Variants in DUSP19 observed in about 807,000 individuals in gnomAD.
DUSP19 encodes dual specificity phosphatase 19, also known as dual specificity protein phosphatase 19.
A neutral mutation model predicts 16.6 loss-of-function variants in DUSP19; 14 were observed. The observed-to-expected ratio is 0.84, with a 90% confidence interval of 0.56 to 1.32. The LOEUF (loss-of-function observed/expected upper bound fraction) is 1.32. DUSP19 is among the 40% of genes most tolerant of loss of function. The probability of loss-of-function intolerance (pLI) is 0.00; values close to 1 mark genes in which losing one functional copy is unlikely to be tolerated. For synonymous variants in DUSP19, 81 were observed against 90.5 expected (o/e 0.90, Z 0.59); for missense variants, 258 against 255.9 (o/e 1.01, Z -0.06).
chr2:183,087,485 C>G (rs1337218272), intron 3 of DUSP19, among the ~76,000 whole-genome samples: 1 of 152,094 alleles, frequency 6.6e-6, no homozygotes, highest in East Asian at 1.9e-4. Flanking sequence ...TATTGTGAAA[C>G]TATGCATTTT....
At chr2:183,089,089 G>T (rs1193043135) in intron 3 of DUSP19, among the ~76,000 whole-genome samples, 1 of 152,182 alleles carries the variant, frequency 6.6e-6, no homozygotes, top group Non-Finnish European at 1.5e-5. Context: ...GTGGATTTTA[G>T]CTTGGGTTTC....
chr2:183,095,234 GTTGA>G (rs1013010752), intron 3 of DUSP19, among the ~76,000 whole-genome samples, 193 bp from the exon 4 acceptor site: 20 of 152,148 alleles, frequency 1.3e-4, no homozygotes, highest in Non-Finnish European at 1.6e-4. Context: ...GGAGGTACAG[GTTGA>G]TTGATTGATT....
In DUSP19 at chr2:183,099,148, T is replaced by C. The variant is rs1444159726; in HGVS notation, c.*3490T>C. On this transcript the variant is annotated 3_prime_UTR_variant, in exon 4 of 4. Transcript: ENST00000354221. ...TTGTAACTCAGATTGTTCAAATGTA[T>C]ATAGAAGGTCCCCTTCAAGTGTTGT... is the stretch of plus-strand genomic sequence containing the variant. 6.6e-6 allele frequency: 1 copy of C among 152,190 alleles called. No individual in the cohort carries two copies. The highest frequency in any genetic ancestry group is 1.5e-5 in the Non-Finnish European group (1 of 68,028). 9.4% of individuals were successfully genotyped at this position (152,190 alleles called of 1,614,324 possible). A position where few individuals can be genotyped will look rare whatever the true frequency, so the allele number is the denominator to read the frequency against.
Position 183,095,555 on chromosome 2 carries a change from G to A in DUSP19, c.551G>A (p.Arg184Lys). The change falls in exon 4 of 4, where the codon AGA becomes AAA. Residue 184 changes from arginine (R) to lysine (K), a missense_variant. Transcript: ENST00000354221. The part of the protein sequence containing the change: ...TSAFSLVKNA[R>K]PSICPNSGFM... ...GCTTTTTCTTTGGTGAAAAATGCAA[G>A]ACCTTCCATATGTCCAAATTCTGGC... The A allele has an allele frequency of 6.2e-7, 1 of 1,613,886 alleles. No individual in the cohort carries two copies. The highest frequency in any genetic ancestry group is 1.1e-5 in the South Asian group (1 of 91,060).
intron 1 of DUSP19, among the ~76,000 whole-genome samples, chr2:183,080,384 G>A (rs900193464): frequency 6.6e-6 from 1 of 152,206 alleles, no homozygotes; most frequent in African/African-American, 2.4e-5. Flanking sequence ...TACATAGGCT[G>A]TCTTTAAATT....
chr2:183,095,478 T>C lies in DUSP19; in HGVS notation c.474T>C (p.Ala158=). The C allele has an allele frequency of 6.2e-7, 1 of 1,613,896 alleles. No individual in the cohort carries two copies. Among genetic ancestry groups the C allele is most frequent in the Non-Finnish European group, 8.5e-7 (1 of 1,179,888 alleles). The change falls in exon 4 of 4, where the codon GCT becomes GCC. Residue 158 remains alanine, a synonymous_variant. Transcript: ENST00000354221. ...VHCNAGVSRA[A]AIVIGFLMNS... ...GTAATGCAGGCGTTTCCAGGGCTGC[T>C]GCAATTGTAATAGGTTTCCTGATGA...
At chr2:183,092,702 T>G (rs1699748092) in intron 3 of DUSP19, among the ~76,000 whole-genome samples, 1 of 147,598 alleles carries the variant, frequency 6.8e-6, no homozygotes, top group Admixed American at 6.7e-5. Flanking sequence ...TGCCCAAGTT[T>G]TTTTTTTTTT....
At chr2:183,090,130 T>C (rs1402421988) in intron 3 of DUSP19, among the ~76,000 whole-genome samples, 1 of 152,242 alleles carries the variant, frequency 6.6e-6, no homozygotes, top group Non-Finnish European at 1.5e-5. Flanking sequence ...TCATTTTTTT[T>C]AAGAAAAGAT....
Position 183,099,447 on chromosome 2 carries a change from A to G in DUSP19, c.*3789A>G, listed in dbSNP as rs1390186267. Reference sequence around the variant, plus strand: ...AGTTGTATATTCTTGCAATGCATAAAATGACATTATAATCAACAAACTTAT... The same window carrying G: ...AGTTGTATATTCTTGCAATGCATAAGATGACATTATAATCAACAAACTTAT... On this transcript the variant is annotated 3_prime_UTR_variant, in exon 4 of 4. Coordinates refer to ENST00000354221, the MANE Select transcript of DUSP19 (RefSeq NM_080876.4). 1 of 152,194 alleles carries G rather than the reference A, an allele frequency of 6.6e-6. No individual in the cohort carries two copies. The highest frequency in any genetic ancestry group is 1.5e-5 in the Non-Finnish European group (1 of 68,038). 9.4% of individuals were successfully genotyped at this position (152,194 alleles called of 1,614,324 possible). A position where few individuals can be genotyped will look rare whatever the true frequency, so the allele number is the denominator to read the frequency against.
intron 1 of DUSP19, among the ~76,000 whole-genome samples, chr2:183,081,133 T>C (rs1699587639): frequency 6.6e-6 from 1 of 152,238 alleles, no homozygotes; most frequent in African/African-American, 2.4e-5. Flanking sequence ...AAAAAGTGAC[T>C]GCATTTAAAA....
chr2:183,082,419 C>CTTTTTTTTTTTTTTTT (rs71008260), intron 1 of DUSP19, among the ~76,000 whole-genome samples: 1 of 84,828 alleles, frequency 1.2e-5, no homozygotes, highest in Admixed American at 1.7e-4. Flanking sequence ...GAACATTTTT[C>CTTTTTTTTTTTTTTTT]TTTTTTTTTT....
intron 3 of DUSP19, among the ~76,000 whole-genome samples, chr2:183,094,978 T>C (rs1699778568): frequency 6.6e-6 from 1 of 152,192 alleles, no homozygotes; most frequent in South Asian, 2.1e-4. Context: ...ATCTACTAAG[T>C]TGTTAGGTTT....
intron 3 of DUSP19, among the ~76,000 whole-genome samples, chr2:183,088,177 G>C (rs1575095314): frequency 1.3e-5 from 2 of 152,092 alleles, no homozygotes; most frequent in East Asian, 3.9e-4. Context: ...TTGTGTTACT[G>C]TTGCCTACAA....
chr2:183,094,447 T>C (rs958166849), intron 3 of DUSP19, among the ~76,000 whole-genome samples: 6 of 152,330 alleles, frequency 3.9e-5, no homozygotes, highest in African/African-American at 1.2e-4. Context: ...TGTCTAATTC[T>C]GGAGGGTGTG....
intron 3 of DUSP19, among the ~76,000 whole-genome samples, chr2:183,089,716 T>C: frequency 6.6e-6 from 1 of 152,054 alleles, no homozygotes; most frequent in Non-Finnish European, 1.5e-5. Flanking sequence ...CTGCAGAAAA[T>C]GTTTCTGATA....
chr2:183,082,399 G>A (rs1486625437), intron 1 of DUSP19, among the ~76,000 whole-genome samples: 5 of 147,222 alleles, frequency 3.4e-5, no homozygotes, highest in Non-Finnish European at 7.5e-5. Context: ...TTTATAACCA[G>A]ATACATTGAG....
Position 183,083,501 on chromosome 2 carries a change from C to A in DUSP19, c.227-7C>A. ...GTGTTCAAGGTGGTATCATTTATTTCTTCTAGGGTCACAAGATGCTGCTCA... is the reference window on the plus strand; with the variant it reads ...GTGTTCAAGGTGGTATCATTTATTTATTCTAGGGTCACAAGATGCTGCTCA... On this transcript the variant is annotated splice_region_variant and splice_polypyrimidine_tract_variant and intron_variant, in intron 1 of 3. Coordinates refer to ENST00000354221, the MANE Select transcript of DUSP19 (RefSeq NM_080876.4). The A allele has an allele frequency of 6.2e-7, 1 of 1,606,612 alleles. No homozygotes were observed. The highest frequency in any genetic ancestry group is 8.5e-7 in the Non-Finnish European group (1 of 1,176,348).
In DUSP19 at chr2:183,078,783, C is replaced by G. The variant is rs1699551285; in HGVS notation, c.-151C>G. 3.0e-6 allele frequency: 2 copies of G among 659,386 alleles called. No individual in the cohort carries two copies. Among genetic ancestry groups the G allele is most frequent in the South Asian group, 3.9e-5 (2 of 51,472 alleles). 40.8% of individuals were successfully genotyped at this position (659,386 alleles called of 1,614,324 possible). A position where few individuals can be genotyped will look rare whatever the true frequency, so the allele number is the denominator to read the frequency against. ...CTGGGATAAACGGAGCTGGACGACT[C>G]AGTCTCTTGGTCTGTGGCTGCTGCG... On this transcript the variant is annotated 5_prime_UTR_variant, in exon 1 of 4. Coordinates refer to ENST00000354221, the MANE Select transcript of DUSP19 (RefSeq NM_080876.4).
Position 183,085,847 on chromosome 2 carries a change from GTTTTTTTTTTTTTTTTTTTT to G in DUSP19, c.274-1176_274-1157del, listed in dbSNP as rs71008261. On this transcript the variant is annotated intron_variant, in intron 2 of 3. Coordinates refer to ENST00000354221, the MANE Select transcript of DUSP19 (RefSeq NM_080876.4). ...GTACAGATGTGGACAAGGTTGTTAG[GTTTTTTTTTTTTTTTTTTTT>G]TTTTTTTTTTTTTTTTGAGGCAGAG... Among the ~76,000 whole-genome samples, 52 of 50,920 alleles carry G rather than the reference GTTTTTTTTTTTTTTTTTTTT, an allele frequency of 1.0e-3. 1 individual carries two copies. Among genetic ancestry groups the G allele is most frequent in the South Asian group, 5.4e-3 (4 of 742 alleles). 33.4% of individuals were successfully genotyped at this position (50,920 alleles called of 152,430 possible). A position where few individuals can be genotyped will look rare whatever the true frequency, so the allele number is the denominator to read the frequency against.
Sources: gnomAD v4.1 joint callset for allele counts (sites outside exome capture counted in the v4.1 genomes callset) on GRCh38, gnomAD v4.1.1 for gene constraint, MANE v1.5 for transcripts, NCBI Gene and HGNC (gene_info 2026-07-23, HGNC 2026-07-21) for gene names.